Variants in EPC1 observed in about 807,000 individuals in gnomAD.
EPC1 encodes the protein enhancer of polycomb homolog 1.
EPC1 carries 12 observed loss-of-function variants against 98.4 expected under a neutral mutation model. That is an observed-to-expected ratio of 0.12 (90% CI 0.08 to 0.20). EPC1 has a LOEUF of 0.20. Among genes scored for constraint, EPC1 ranks in the 10% least tolerant of loss-of-function variants. EPC1 has a pLI of 1.00. For synonymous variants in EPC1, 357 were observed against 363.9 expected, an observed-to-expected ratio of 0.98 and a Z score of 0.21; for missense variants, 729 against 990.5, an observed-to-expected ratio of 0.74 and a Z score of 3.54.
chr10:32,367,383 G>A (rs1276845222), intron 1 of EPC1, among the ~76,000 whole-genome samples: 2 of 152,118 alleles, frequency 1.3e-5, no homozygotes, highest in Non-Finnish European at 2.9e-5. Flanking sequence ...CTTTTAAAAA[G>A]GCTAGTAAGA....
At chr10:32,322,525 G>A (rs1836990110) in intron 1 of EPC1, among the ~76,000 whole-genome samples, 2 of 152,182 alleles carry the variant, frequency 1.3e-5, no homozygotes, top group Admixed American at 6.5e-5. Flanking sequence ...ATTTGACCAT[G>A]CACTGTTCTT....
chr10:32,365,670 A>T (rs1839578783), intron 1 of EPC1, among the ~76,000 whole-genome samples: 2 of 146,554 alleles, frequency 1.4e-5, no homozygotes, highest in South Asian at 4.4e-4. Context: ...AAAAAGAAAA[A>T]ACTGGCTGGG....
At position 32,339,602 on chromosome 10, in the gene EPC1, C is replaced by T. The variant is rs983118458; in HGVS notation, c.153+7161G>A. The stretch of plus-strand genomic sequence containing the variant: ...AATACATAGTTTTTCACAATCATAT[C>T]ATACAACTCTCTAAGGACACAAAAT... On this transcript the variant is annotated intron_variant, in intron 1 of 13. Coordinates refer to ENST00000319778, the MANE Select transcript of EPC1 (RefSeq NM_001272004.3). Among the ~76,000 whole-genome samples, 4 of 152,138 alleles carry T rather than the reference C, an allele frequency of 2.6e-5. No individual in the cohort carries two copies. In the South Asian group the frequency reaches 8.3e-4, roughly 31 times the overall value.
intron 1 of EPC1, 153 bp downstream of exon 1, chr10:32,346,610 G>T (rs892787081): frequency 4.0e-6 from 3 of 752,728 alleles, no homozygotes; most frequent in Non-Finnish European, 4.2e-6. Context: ...GGTCGAGGCT[G>T]GGGGAGGCGG....
upstream of EPC1, among the ~76,000 whole-genome samples, chr10:32,347,881 A>G (rs1474669793): frequency 6.6e-6 from 1 of 152,274 alleles, no homozygotes; most frequent in African/African-American, 2.4e-5. Flanking sequence ...CTTAATATAA[A>G]TGATAGGTAT....
chr10:32,284,655 C>A, intron 10 of EPC1, 43 bp downstream of exon 10: 1 of 1,473,490 alleles, frequency 6.8e-7, no homozygotes, highest in South Asian at 1.2e-5. Flanking sequence ...ATGGTTGGAC[C>A]TGACATTTCT....
At chr10:32,288,893 T>G (rs1237220456) in intron 6 of EPC1, among the ~76,000 whole-genome samples, 9 of 151,856 alleles carry the variant, frequency 5.9e-5, no homozygotes, top group African/African-American at 1.9e-4. Flanking sequence ...ATTGAGACCA[T>G]CCTGGCTAAC....
intron 10 of EPC1, among the ~76,000 whole-genome samples, chr10:32,273,521 G>C (rs910549732): frequency 6.6e-6 from 1 of 151,906 alleles, no homozygotes; most frequent in African/African-American, 2.4e-5. Context: ...ACACAGGAAA[G>C]AGAACTGCTC....
chr10:32,341,950 A>AT (rs1564557541), intron 1 of EPC1, among the ~76,000 whole-genome samples: 1 of 152,224 alleles, frequency 6.6e-6, no homozygotes, highest in Non-Finnish European at 1.5e-5. Context: ...AACATTTTAT[A>AT]GGCATATGGT....
intron 1 of EPC1, among the ~76,000 whole-genome samples, chr10:32,317,110 T>C (rs12251894): frequency 0.013 from 1,998 of 152,310 alleles, 50 homozygotes; most frequent in African/African-American, 0.046. Flanking sequence ...TATTTTTCCC[T>C]AGCACTTGTG....
Position 32,346,822 on chromosome 10 carries a change from C to A in EPC1, c.94G>T (p.Ala32Ser). 1.2e-6 allele frequency: 2 copies of A among 1,614,178 alleles called. No homozygotes were observed. The highest frequency in any genetic ancestry group is 1.7e-6 in the Non-Finnish European group (2 of 1,180,012). ...CEDLPDLHEY[A>S]SINRAVPQMP... Reference sequence around the variant, plus strand: ...TGCGGCACGGCCCTGTTTATCGAGGCGTATTCGTGCAGGTCGGGCAGATCC... The same window carrying A: ...TGCGGCACGGCCCTGTTTATCGAGGAGTATTCGTGCAGGTCGGGCAGATCC... Residue 32 changes from alanine to serine, a missense_variant, in exon 1 of 14, where the codon GCC (alanine) becomes TCC (serine). By Grantham distance (99) the Ala-to-Ser change is moderately conservative (BLOSUM62 1). This residue lies in a region of EPC1 where 46 missense variants were observed against 119.7 expected (regional missense o/e 0.38). Transcript: ENST00000319778.
chr10:32,348,437 G>A (rs1451074804), upstream of EPC1, among the ~76,000 whole-genome samples: 3 of 152,184 alleles, frequency 2.0e-5, no homozygotes, highest in African/African-American at 4.8e-5. Context: ...GAACTACGTA[G>A]TAAAAGTAAT....
chr10:32,328,387 G>A (rs917579144), intron 1 of EPC1, among the ~76,000 whole-genome samples: 1 of 152,312 alleles, frequency 6.6e-6, no homozygotes, highest in Admixed American at 6.5e-5. Context: ...GAGCTGAATG[G>A]AAACGTGTTT....
chr10:32,341,406 A>G (rs1054994410), intron 1 of EPC1, among the ~76,000 whole-genome samples: 2 of 152,192 alleles, frequency 1.3e-5, no homozygotes, highest in African/African-American at 2.4e-5. Flanking sequence ...TGCAAAATAT[A>G]AAACTAAAAC....
chr10:32,290,505 A>AAAAAAAAAAAAAAAGAAAGAAAG (rs1554819136), intron 6 of EPC1, among the ~76,000 whole-genome samples: 5 of 77,474 alleles, frequency 6.5e-5, no homozygotes, highest in African/African-American at 1.1e-4. Flanking sequence ...AAAAAAAAAA[A>AAAAAAAAAAAAAAAGAAAGAAAG]AAAGAAAGAA....
At chr10:32,355,704 G>C (rs1228163754) in intron 1 of EPC1, among the ~76,000 whole-genome samples, 1 of 129,374 alleles carries the variant, frequency 7.7e-6, no homozygotes, top group Non-Finnish European at 1.6e-5. Flanking sequence ...TCCGCCTCCT[G>C]AGTTCAAGCC....
chr10:32,346,373 T>G (rs917094208), intron 1 of EPC1: 1 of 171,292 alleles, frequency 5.8e-6, no homozygotes, highest in South Asian at 1.1e-4. Flanking sequence ...TGTAGGCGGG[T>G]CCTCCACGGC....
upstream of EPC1, among the ~76,000 whole-genome samples, chr10:32,347,851 T>G (rs934585364): frequency 3.3e-5 from 5 of 152,286 alleles, no homozygotes; most frequent in African/African-American, 1.2e-4. Flanking sequence ...AAGTCATTGA[T>G]CCGTTTCCCA....
At chr10:32,307,948 T>G (rs961566678) in intron 1 of EPC1, among the ~76,000 whole-genome samples, 1 of 152,220 alleles carries the variant, frequency 6.6e-6, no homozygotes, top group African/African-American at 2.4e-5. Flanking sequence ...AAGTTAGATG[T>G]TTTACCTTTT....
Sources: gnomAD v4.1 joint callset for allele counts (sites outside exome capture counted in the v4.1 genomes callset) on GRCh38, gnomAD v4.1.1 for gene constraint, gnomAD v4.1.1 regional missense constraint, MANE v1.5 for transcripts, NCBI Gene and HGNC (gene_info 2026-07-23, HGNC 2026-07-21) for gene names.